Variants in APP observed in about 807,000 individuals in gnomAD.
The protein encoded by APP is amyloid-beta precursor protein.
APP carries 31 observed loss-of-function variants against 101.4 expected under a neutral mutation model. The observed-to-expected ratio is 0.31, with a 90% CI of 0.23 to 0.41. APP has a LOEUF of 0.41. APP is among the 10% of genes least tolerant of loss of function. The pLI is 1.00. For synonymous variants in APP, 366 were observed against 364.4 expected (o/e 1.00, Z -0.05); for missense variants, 839 against 1,003.7 (o/e 0.84, Z 2.22).
Position 25,982,326 on chromosome 21 carries a change from T to A in APP, c.1224+18A>T. On this transcript the variant is annotated intron_variant, in intron 9 of 17. Transcript: ENST00000346798. Reference sequence around the variant, plus strand: ...TTCCCAATATCGTAGGGCTGAATGATGGAAGAGCCAGACTTACCTGGGACA... The same window carrying A: ...TTCCCAATATCGTAGGGCTGAATGAAGGAAGAGCCAGACTTACCTGGGACA... 1 of 1,613,470 alleles carries A rather than the reference T, an allele frequency of 6.2e-7. No homozygotes were observed.
chr21:26,033,320 G>A (rs886829620), intron 5 of APP, among the ~76,000 whole-genome samples: 5 of 152,144 alleles, frequency 3.3e-5, no homozygotes, highest in Non-Finnish European at 7.4e-5. Flanking sequence ...TCTGCTCCTC[G>A]CTCTTCTCTT....
Position 25,881,843 on chromosome 21 carries a change from A to G in APP, c.2212-72T>C. ...TAAGGGTGAACATGGAGAAGCAGTAAAAAGATAAGGAGTACAGTACTCTTC... is the reference window on the plus strand; with the variant it reads ...TAAGGGTGAACATGGAGAAGCAGTAGAAAGATAAGGAGTACAGTACTCTTC... On this transcript the variant is annotated intron_variant, in intron 17 of 17. Coordinates refer to ENST00000346798, the MANE Select transcript of APP (RefSeq NM_000484.4). 4.8e-6 allele frequency: 7 copies of G among 1,448,126 alleles called. No homozygotes were observed. The South Asian group carries it at 6.9e-5, about 14-fold the overall frequency. The allele number at this position is 1,448,126 out of a possible 1,614,324, so 89.7% of individuals were successfully genotyped here. A position where few individuals can be genotyped will look rare whatever the true frequency, so the allele number is the denominator to read the frequency against.
chr21:25,973,509 C>T (rs574345125), intron 11 of APP, among the ~76,000 whole-genome samples: 2 of 152,192 alleles, frequency 1.3e-5, no homozygotes, highest in South Asian at 4.1e-4. Flanking sequence ...TCAAGGAGGG[C>T]CTAACAGCCT....
At chr21:25,985,403 A>G (rs1465423074) in intron 8 of APP, among the ~76,000 whole-genome samples, 1 of 152,182 alleles carries the variant, frequency 6.6e-6, no homozygotes, top group Non-Finnish European at 1.5e-5. Flanking sequence ...CATGGGCAGG[A>G]ATCACCCGAT....
intron 6 of APP, among the ~76,000 whole-genome samples, 156 bp from the exon 7 acceptor site, chr21:26,000,338 C>T (rs2043239715): frequency 6.6e-6 from 1 of 152,110 alleles, no homozygotes; most frequent in Non-Finnish European, 1.5e-5. Flanking sequence ...ATTTAACTGG[C>T]CACCAGGACT....
intron 17 of APP, among the ~76,000 whole-genome samples, chr21:25,882,390 G>A (rs1201044528): frequency 6.9e-6 from 1 of 145,458 alleles, no homozygotes; most frequent in Admixed American, 7.0e-5. Context: ...GGAAGAGCAA[G>A]GACGACGCCA....
chr21:25,881,483 C>A lies in APP; in HGVS notation c.*187G>T, dbSNP rs1031961200. The stretch of plus-strand genomic sequence containing the variant: ...CCAAAATGTAAAGAGAGATAGAATA[C>A]ATTACTGATGTGTGGATTAATTCAA... On this transcript the variant is annotated 3_prime_UTR_variant, in exon 18 of 18. Coordinates refer to ENST00000346798, the MANE Select transcript of APP (RefSeq NM_000484.4). 1.5e-6 allele frequency: 1 copy of A among 676,448 alleles called. No individual in the cohort carries two copies. The highest frequency in any genetic ancestry group is 2.7e-5 in the East Asian group (1 of 36,798). The allele number at this position is 676,448 out of a possible 1,614,324, so 41.9% of individuals were successfully genotyped here. A position where few individuals can be genotyped will look rare whatever the true frequency, so the allele number is the denominator to read the frequency against.
intron 11 of APP, among the ~76,000 whole-genome samples, chr21:25,969,925 A>AGGGGAGGGGAGG (rs2041960753): frequency 6.6e-4 from 5 of 7,602 alleles, no homozygotes; most frequent in Non-Finnish European, 9.8e-4. Flanking sequence ...GGAAGAGAAA[A>AGGGGAGGGGAGG]GGAAAGGAAA....
rs757478610 is a variant in APP at position 25,911,723 on chromosome 21, G to A, written c.1909+18C>T. The A allele has an allele frequency of 6.2e-7, 1 of 1,611,114 alleles. No individual in the cohort carries two copies. The highest frequency in any genetic ancestry group is 1.7e-5 in the Admixed American group (1 of 60,004). ...ATATACCTCCCAGAACGCCCTTGCT[G>A]GCTCAGGGGACTCTTACCTTCGTTT... On this transcript the variant is annotated intron_variant, in intron 14 of 17. Transcript: ENST00000346798.
intron 6 of APP, among the ~76,000 whole-genome samples, chr21:26,020,006 G>T (rs2044268093): frequency 6.6e-6 from 1 of 152,226 alleles, no homozygotes; most frequent in South Asian, 2.1e-4. Context: ...AGTAGGGAAT[G>T]ATAAACTTAA....
chr21:26,113,512 A>C (rs1247370786), intron 1 of APP, among the ~76,000 whole-genome samples: 3 of 152,280 alleles, frequency 2.0e-5, no homozygotes. Context: ...TCATGAGTGC[A>C]AAAGCTGCTG....
intron 3 of APP, among the ~76,000 whole-genome samples, chr21:26,060,076 C>A (rs1448153001): frequency 1.3e-5 from 2 of 152,040 alleles, no homozygotes; most frequent in Admixed American, 1.3e-4. Context: ...GTATCCTTCT[C>A]CCCAGTATCT....
At chr21:26,043,508 G>A (rs946788674) in intron 5 of APP, among the ~76,000 whole-genome samples, 1 of 152,186 alleles carries the variant, frequency 6.6e-6, no homozygotes, top group East Asian at 1.9e-4. Flanking sequence ...TGGGATTACA[G>A]GCATGAGCCA....
intron 5 of APP, among the ~76,000 whole-genome samples, chr21:26,050,787 T>C (rs1212988300): frequency 6.6e-6 from 1 of 152,248 alleles, no homozygotes; most frequent in Non-Finnish European, 1.5e-5. Flanking sequence ...TAATATTAAA[T>C]AGTTAAAATT....
chr21:25,964,809 C>T (rs1331215767), intron 11 of APP, among the ~76,000 whole-genome samples: 1 of 151,786 alleles, frequency 6.6e-6, no homozygotes, highest in Non-Finnish European at 1.5e-5. Flanking sequence ...CATGTTGGTC[C>T]GGCTGGTCTT....
chr21:25,940,154 AAAG>A (rs1281479940), intron 13 of APP, among the ~76,000 whole-genome samples: 1 of 152,166 alleles, frequency 6.6e-6, no homozygotes, highest in Admixed American at 6.5e-5. Context: ...GAGAGAGAGA[AAAG>A]AGATGTAAAC....
chr21:25,963,621 T>A lies in APP; in HGVS notation c.1459-7866A>T, dbSNP rs145939664. ...ATAAATAGGTTCAGAACTATTATTT[T>A]CACAGTTTTACACCCTGGATTTCAA... On this transcript the variant is annotated intron_variant, in intron 11 of 17. Coordinates refer to ENST00000346798, the MANE Select transcript of APP (RefSeq NM_000484.4). 3.9e-5 allele frequency among the ~76,000 whole-genome samples: 6 copies of A among 152,340 alleles called. No homozygotes were observed. In the East Asian group the frequency reaches 9.6e-4, roughly 24 times the overall value.
chr21:25,905,683 C>T (rs1300001552), intron 14 of APP, among the ~76,000 whole-genome samples: 1 of 152,172 alleles, frequency 6.6e-6, no homozygotes, highest in Non-Finnish European at 1.5e-5. Flanking sequence ...TTCCATTTGA[C>T]AGATGACATA....
chr21:25,964,426 AG>A (rs898754597), intron 11 of APP, among the ~76,000 whole-genome samples: 1 of 152,168 alleles, frequency 6.6e-6, no homozygotes. Context: ...CAGAAAGAGG[AG>A]AAAAATTAAC....
Sources: gnomAD v4.1 joint callset for allele counts (sites outside exome capture counted in the v4.1 genomes callset) on GRCh38, gnomAD v4.1.1 for gene constraint, MANE v1.5 for transcripts, NCBI Gene and HGNC (gene_info 2026-07-23, HGNC 2026-07-21) for gene names.